The following PDE8B variants were observed in gnomAD, a reference collection of about 807,000 sequenced individuals.
PDE8B encodes the protein high affinity cAMP-specific and IBMX-insensitive 3',5'-cyclic phosphodiesterase 8B.
Under a neutral mutation model 101.3 loss-of-function variants are expected in PDE8B, and 26 were observed. The observed-to-expected ratio is 0.26, with a 90% CI of 0.19 to 0.36. PDE8B has a LOEUF of 0.36. Among genes scored for constraint, PDE8B ranks in the 10% least tolerant of loss-of-function variants. The pLI is 1.00. For synonymous variants in PDE8B, 424 were observed against 429.3 expected, an observed-to-expected ratio of 0.99 and a Z score of 0.15; for missense variants, 810 against 1,163.1, an observed-to-expected ratio of 0.70 and a Z score of 4.42.
At chr5:77,095,119 G>A in the PDE8B span, among the ~76,000 whole-genome samples, 1 of 152,174 alleles carries the variant, frequency 6.6e-6, no homozygotes, top group African/African-American at 2.4e-5. Context: ...ATGAGCAGGA[G>A]CATTATTGTG....
At chr5:77,088,556 G>C in the PDE8B span, 1 of 151,460 alleles carries the variant, frequency 6.6e-6, no homozygotes, top group African/African-American at 2.4e-5. Context: ...GCACTCAGTA[G>C]GATGGATGGG....
intron 10 of PDE8B, among the ~76,000 whole-genome samples, chr5:77,381,205 A>G (rs1473408522): frequency 6.6e-6 from 1 of 152,198 alleles, no homozygotes; most frequent in Non-Finnish European, 1.5e-5. Flanking sequence ...GATTAAATAC[A>G]TAGTTTGCAA....
the PDE8B span, chr5:77,119,405 T>C: frequency 1.3e-5 from 2 of 152,188 alleles, no homozygotes; most frequent in Non-Finnish European, 2.9e-5. Context: ...ACGCCTGTAA[T>C]CCCAGCACTT....
chr5:77,311,921 G>T, intron 1 of PDE8B, 73 bp from the exon 2 acceptor site: 2 of 1,182,310 alleles, frequency 1.7e-6, no homozygotes, highest in Non-Finnish European at 2.5e-6. Flanking sequence ...AATGCAATGC[G>T]TTGCGTAAGG....
At chr5:77,100,764 G>A in the PDE8B span, among the ~76,000 whole-genome samples, 1 of 151,930 alleles carries the variant, frequency 6.6e-6, no homozygotes, top group African/African-American at 2.4e-5. Flanking sequence ...TGATTTCAGG[G>A]GTCTCACTCT....
At chr5:77,262,299 TC>T (rs1760779941) in intron 1 of PDE8B, among the ~76,000 whole-genome samples, 1 of 152,194 alleles carries the variant, frequency 6.6e-6, no homozygotes. Context: ...TTATGCTTCT[TC>T]TGACATGTCC....
At chr5:77,239,304 T>C (rs1755280753) in intron 1 of PDE8B, among the ~76,000 whole-genome samples, 1 of 152,236 alleles carries the variant, frequency 6.6e-6, no homozygotes, top group African/African-American at 2.4e-5. Flanking sequence ...TCAATGCTCT[T>C]TGAATATGTC....
chr5:77,296,017 C>G (rs1768461635), intron 1 of PDE8B, among the ~76,000 whole-genome samples: 2 of 152,136 alleles, frequency 1.3e-5, no homozygotes, highest in Non-Finnish European at 2.9e-5. Context: ...TGGACTAGCC[C>G]AAGTCAAATG....
chr5:77,381,829 C>G (rs993335831), intron 10 of PDE8B, among the ~76,000 whole-genome samples: 3 of 152,036 alleles, frequency 2.0e-5, no homozygotes, highest in Non-Finnish European at 4.4e-5. Context: ...TAATAAAAAT[C>G]AATGTTTTAA....
the PDE8B span, among the ~76,000 whole-genome samples, chr5:77,097,014 T>C: frequency 6.6e-6 from 1 of 152,224 alleles, no homozygotes; most frequent in African/African-American, 2.4e-5. Flanking sequence ...GTGCTAATAT[T>C]ACCCTTCTTA....
intron 1 of PDE8B, among the ~76,000 whole-genome samples, chr5:77,285,801 C>T (rs1418758849): frequency 6.6e-6 from 1 of 152,034 alleles, no homozygotes; most frequent in African/African-American, 2.4e-5. Context: ...CTCTGTTCTT[C>T]AGATTGGACA....
intron 17 of PDE8B, among the ~76,000 whole-genome samples, chr5:77,416,824 G>C (rs1463119757): frequency 6.6e-6 from 1 of 152,150 alleles, no homozygotes; most frequent in Non-Finnish European, 1.5e-5. Context: ...GCCTAGGAGA[G>C]CAAATTCTGG....
chr5:77,303,528 C>T (rs1370496282), intron 1 of PDE8B, among the ~76,000 whole-genome samples: 6 of 152,002 alleles, frequency 3.9e-5, no homozygotes, highest in Non-Finnish European at 5.9e-5. Flanking sequence ...GAGATCACTC[C>T]ACTGCATTCT....
chr5:77,172,213 A>C, the PDE8B span, among the ~76,000 whole-genome samples: 1,220 of 152,316 alleles, frequency 8.0e-3, 13 homozygotes, highest in African/African-American at 0.028. Context: ...AAACTCAGGG[A>C]CTGGGCTGGG....
chr5:77,350,883 C>G (rs573909314), intron 8 of PDE8B, among the ~76,000 whole-genome samples, 182 bp from the exon 9 acceptor site: 43 of 152,210 alleles, frequency 2.8e-4, no homozygotes, highest in Admixed American at 1.0e-3. Context: ...ATATGTGGAT[C>G]TGTGGTCTTG....
chr5:77,186,065 T>C, the PDE8B span, among the ~76,000 whole-genome samples: 2 of 152,298 alleles, frequency 1.3e-5, no homozygotes, highest in African/African-American at 4.8e-5. Context: ...GTGTCAAAAA[T>C]GGTGGCTATT....
chr5:77,261,712 G>A (rs1344360394), intron 1 of PDE8B, among the ~76,000 whole-genome samples: 3 of 152,202 alleles, frequency 2.0e-5, no homozygotes, highest in African/African-American at 7.2e-5. Flanking sequence ...TTCCTAAGAG[G>A]ATTCCAGTAA....
At chr5:77,351,030 C>G in intron 8 of PDE8B, 35 bp from the exon 9 acceptor site, 1 of 1,495,034 alleles carries the variant, frequency 6.7e-7, no homozygotes, top group Non-Finnish European at 9.3e-7. Flanking sequence ...TCATCCTTGA[C>G]TGAAGGATTT....
intron 8 of PDE8B, among the ~76,000 whole-genome samples, 157 bp from the exon 9 acceptor site, chr5:77,350,908 G>T (rs946312996): frequency 6.6e-6 from 1 of 152,188 alleles, no homozygotes; most frequent in Non-Finnish European, 1.5e-5. Context: ...CACACATGTG[G>T]CCACATCAGC....
Sources: allele counts gnomAD v4.1 joint callset (sites outside exome capture counted in the v4.1 genomes callset), GRCh38; gene constraint gnomAD v4.1.1; transcripts MANE v1.5; gene names NCBI Gene and HGNC (gene_info 2026-07-23, HGNC 2026-07-21).